Variants in NDST4 observed in about 807,000 individuals in gnomAD.
The protein encoded by NDST4 is N-deacetylase and N-sulfotransferase 4.
NDST4 carries 63 observed loss-of-function variants against 100.8 expected under a neutral mutation model. The observed-to-expected ratio is 0.62, with a 90% CI of 0.51 to 0.77. The LOEUF (loss-of-function observed/expected upper bound fraction) is 0.77, where lower values mean the gene tolerates loss of function less well. Ranked by LOEUF, NDST4 falls within the 30% of genes least tolerant of loss-of-function variation. NDST4 has a pLI of 0.00. For missense variants in NDST4, 943 were observed against 1,018.4 expected (o/e 0.93, Z 1.01); for synonymous variants, 377 against 361.8 (o/e 1.04, Z -0.48).
intron 1 of NDST4, among the ~76,000 whole-genome samples, chr4:115,108,091 G>C (rs980015365): frequency 1.2e-4 from 19 of 152,054 alleles, no homozygotes; most frequent in African/African-American, 4.6e-4. Flanking sequence ...ATTAGTGAAA[G>C]ATTGATTGAG....
chr4:115,105,175 C>T (rs1206226541), intron 1 of NDST4, among the ~76,000 whole-genome samples: 4 of 152,124 alleles, frequency 2.6e-5, no homozygotes, highest in Admixed American at 2.0e-4. Context: ...CATTTGTTTA[C>T]ATGAAGGCTT....
At chr4:115,046,659 T>C (rs557523505) in intron 2 of NDST4, among the ~76,000 whole-genome samples, 6 of 152,236 alleles carry the variant, frequency 3.9e-5, no homozygotes, top group African/African-American at 1.2e-4. Flanking sequence ...ATAAGATAGA[T>C]AAGTTTGGAC....
In NDST4 at chr4:115,034,650, G is replaced by A. The variant is rs117360979; in HGVS notation, c.978+41409C>T. Among the ~76,000 whole-genome samples the A allele has an allele frequency of 1.6e-4, 24 of 152,124 alleles. No individual in the cohort carries two copies. In the East Asian group the frequency reaches 4.3e-3, roughly 27 times the overall value. ...AAATATTCATTTTGTTGATGTGGAA[G>A]CCATGAAAATGTGGTGTTCTAATCT... On this transcript the variant is annotated intron_variant, in intron 2 of 13. Transcript: ENST00000264363.
At chr4:114,912,574 G>A (rs533073516) in intron 6 of NDST4, among the ~76,000 whole-genome samples, 2 of 152,184 alleles carry the variant, frequency 1.3e-5, no homozygotes, top group African/African-American at 2.4e-5. Context: ...GGAGGAAGAC[G>A]GTAGAATTAA....
rs576654305 is a variant in NDST4, at chr4:115,050,251, C to T, written c.978+25808G>A. ...CAATGCCCTGGAGAATCAGAATCCTCAAACATGTCAATATTTTTCATTAAA... is the reference window on the plus strand; with the variant it reads ...CAATGCCCTGGAGAATCAGAATCCTTAAACATGTCAATATTTTTCATTAAA... On this transcript the variant is annotated intron_variant, in intron 2 of 13. Coordinates refer to ENST00000264363, the MANE Select transcript of NDST4 (RefSeq NM_022569.3). Among the ~76,000 whole-genome samples the T allele has an allele frequency of 2.0e-5, 3 of 152,200 alleles. No homozygotes were observed. The South Asian group carries it at 6.2e-4, about 32-fold the overall frequency.
intron 2 of NDST4, among the ~76,000 whole-genome samples, chr4:115,042,343 G>C (rs1278593955): frequency 6.6e-6 from 1 of 152,080 alleles, no homozygotes; most frequent in Non-Finnish European, 1.5e-5. Flanking sequence ...AAGATCACCT[G>C]AAGCAGATGA....
At chr4:115,105,425 T>C (rs936709884) in intron 1 of NDST4, among the ~76,000 whole-genome samples, 3 of 152,102 alleles carry the variant, frequency 2.0e-5, no homozygotes, top group Admixed American at 1.3e-4. Context: ...AATAATTCTA[T>C]TATGAAAATT....
chr4:114,938,074 T>C lies in NDST4; in HGVS notation c.1222-571A>G, dbSNP rs144399831. 0.013 allele frequency among the ~76,000 whole-genome samples: 2,019 copies of C among 152,268 alleles called. 87 individuals carry two copies. In the South Asian group the frequency reaches 0.16, roughly 12 times the overall value. ...AGAAGAAGAACCTAGTGACAGCATG[T>C]TAAGATAAACTGTAAGGGGAAGAAA... On this transcript the variant is annotated intron_variant, in intron 4 of 13. Transcript: ENST00000264363.
chr4:115,055,423 C>A (rs1006160425), intron 2 of NDST4, among the ~76,000 whole-genome samples: 1 of 151,988 alleles, frequency 6.6e-6, no homozygotes, highest in Non-Finnish European at 1.5e-5. Flanking sequence ...CTGGCTTATT[C>A]CATTGTTAGG....
intron 2 of NDST4, among the ~76,000 whole-genome samples, chr4:115,065,249 C>T (rs965284522): frequency 9.2e-5 from 14 of 151,962 alleles, no homozygotes; most frequent in African/African-American, 2.2e-4. Context: ...CTCTTTAATG[C>T]TCACCAAAAT....
chr4:114,930,265 T>C (rs1725485395), intron 6 of NDST4, among the ~76,000 whole-genome samples: 1 of 152,216 alleles, frequency 6.6e-6, no homozygotes, highest in African/African-American at 2.4e-5. Context: ...TTAATTCAAC[T>C]AGTTTGTTAT....
chr4:114,969,236 C>A (rs1380360381), intron 4 of NDST4, among the ~76,000 whole-genome samples: 1 of 147,566 alleles, frequency 6.8e-6, no homozygotes, highest in Non-Finnish European at 1.5e-5. Context: ...ATGGCGTGAA[C>A]CCGGGAGGCG....
intron 12 of NDST4, among the ~76,000 whole-genome samples, chr4:114,832,039 CTTG>C (rs1197429853): frequency 6.6e-4 from 100 of 152,134 alleles, no homozygotes; most frequent in African/African-American, 2.2e-3. Context: ...ATATTTTGTA[CTTG>C]TTTGTAATCT....
Position 114,834,555 on chromosome 4 carries a change from A to G in NDST4, c.2287-840T>C, listed in dbSNP as rs367777810. Among the ~76,000 whole-genome samples, 12 of 151,784 alleles carry G rather than the reference A, an allele frequency of 7.9e-5. 2 individuals are homozygous for G. The highest frequency in any genetic ancestry group is 1.3e-4 in the Admixed American group (2 of 15,248). ...AAAAAAGGAATACTGGAAAAAGGTCAATGGTAAGGCCCAGCTACTAGGGCT... is the reference window on the plus strand; with the variant it reads ...AAAAAAGGAATACTGGAAAAAGGTCGATGGTAAGGCCCAGCTACTAGGGCT... On this transcript the variant is annotated intron_variant, in intron 11 of 13. Coordinates refer to ENST00000264363, the MANE Select transcript of NDST4 (RefSeq NM_022569.3).
At chr4:114,980,102 T>A (rs1418041129) in intron 2 of NDST4, among the ~76,000 whole-genome samples, 2 of 152,146 alleles carry the variant, frequency 1.3e-5, no homozygotes, top group Non-Finnish European at 2.9e-5. Context: ...ATAGGAATAA[T>A]GTAAAATGTC....
At chr4:115,033,101 A>AT (rs1380493961) in intron 2 of NDST4, among the ~76,000 whole-genome samples, 2 of 145,602 alleles carry the variant, frequency 1.4e-5, no homozygotes, top group Non-Finnish European at 3.0e-5. Context: ...AATTAAGTTT[A>AT]TTTTGAATGC....
intron 1 of NDST4, among the ~76,000 whole-genome samples, chr4:115,108,782 C>T (rs146254323): frequency 2.3e-3 from 344 of 151,932 alleles, no homozygotes; most frequent in African/African-American, 8.1e-3. Flanking sequence ...TCCTTGATTG[C>T]TTATTGCAAC....
intron 2 of NDST4, among the ~76,000 whole-genome samples, chr4:115,039,439 G>GAAA (rs33984444): frequency 1.0e-4 from 15 of 149,120 alleles, no homozygotes; most frequent in African/African-American, 3.7e-4. Flanking sequence ...TACACTGAAA[G>GAAA]AAAAAAAAAA....
At position 114,984,657 on chromosome 4, in the gene NDST4, T is replaced by C. The variant is rs926278389; in HGVS notation, c.979-7383A>G. ...TTTCCAGGTAAAAAATATTGCTTTATGGAAAGATTAAATAGTCCACCCAGA... is the reference window on the plus strand; with the variant it reads ...TTTCCAGGTAAAAAATATTGCTTTACGGAAAGATTAAATAGTCCACCCAGA... On this transcript the variant is annotated intron_variant, in intron 2 of 13. Transcript: ENST00000264363. Among the ~76,000 whole-genome samples the C allele has an allele frequency of 2.0e-5, 3 of 152,172 alleles. No homozygotes were observed. In the East Asian group the frequency reaches 5.8e-4, roughly 29 times the overall value.
Sources: allele counts gnomAD v4.1 joint callset (sites outside exome capture counted in the v4.1 genomes callset), GRCh38; gene constraint gnomAD v4.1.1; transcripts MANE v1.5; gene names NCBI Gene and HGNC (gene_info 2026-07-23, HGNC 2026-07-21).